The following TENM3 variants were observed in gnomAD, a reference collection of about 807,000 sequenced individuals.
TENM3 encodes the protein teneurin transmembrane protein 3.
Under a neutral mutation model 255.1 loss-of-function variants are expected in TENM3, and 63 were observed. The observed-to-expected ratio is 0.25, with a 90% CI of 0.20 to 0.30. The LOEUF (loss-of-function observed/expected upper bound fraction) is 0.30. Ranked by LOEUF, TENM3 falls within the 10% of genes least tolerant of loss-of-function variation. The probability of loss-of-function intolerance (pLI) is 1.00; values close to 1 mark genes in which losing one functional copy is unlikely to be tolerated. For synonymous variants in TENM3, 1,306 were observed against 1,322.3 expected, an observed-to-expected ratio of 0.99 and a Z score of 0.27; for missense variants, 2,929 against 3,461.1, an observed-to-expected ratio of 0.85 and a Z score of 3.86.
At chr4:181,751,303 G>A in the TENM3 span, among the ~76,000 whole-genome samples, 1 of 149,850 alleles carries the variant, frequency 6.7e-6, no homozygotes, top group Non-Finnish European at 1.5e-5. Flanking sequence ...TTTAACTCAA[G>A]AATTAATTTG....
chr4:181,534,470 C>CG, the TENM3 span, among the ~76,000 whole-genome samples: 12 of 102,962 alleles, frequency 1.2e-4, no homozygotes, highest in African/African-American at 1.8e-4. Context: ...AGGTCTTCCC[C>CG]CCCCCCACAG....
the TENM3 span, among the ~76,000 whole-genome samples, chr4:182,104,235 T>A: frequency 2.0e-5 from 3 of 152,142 alleles, no homozygotes; most frequent in Non-Finnish European, 4.4e-5. Context: ...CTGGCCTGAA[T>A]CAAAATTCTC....
intron 12 of TENM3, among the ~76,000 whole-genome samples, chr4:182,699,532 T>C (rs1158913199): frequency 6.6e-6 from 1 of 152,156 alleles, no homozygotes; most frequent in Non-Finnish European, 1.5e-5. Flanking sequence ...TCAAGGAAAT[T>C]TTTGAATCCA....
Position 182,800,069 on chromosome 4 carries a change from C to A in TENM3, c.7818C>A (p.His2606Gln), listed in dbSNP as rs368298232. The change falls in exon 28 of 28, where the codon CAC becomes CAA. Residue 2606 changes from histidine (H) to glutamine (Q), a missense_variant. His to Gln is a conservative substitution (Grantham distance 24). Transcript: ENST00000511685. ...VEMQFGALAL[H>Q]VRYGMTLDEE... Reference sequence around the variant, plus strand: ...TGCAGTTCGGCGCGCTGGCGCTGCACGTGCGCTACGGCATGACCCTGGACG... The same window carrying A: ...TGCAGTTCGGCGCGCTGGCGCTGCAAGTGCGCTACGGCATGACCCTGGACG... 1 of 1,602,020 alleles carries A rather than the reference C, an allele frequency of 6.2e-7. No individual in the cohort carries two copies. The highest frequency in any genetic ancestry group is 8.5e-7 in the Non-Finnish European group (1 of 1,174,884).
At chr4:182,094,853 T>C in the TENM3 span, among the ~76,000 whole-genome samples, 3 of 146,852 alleles carry the variant, frequency 2.0e-5, no homozygotes, top group East Asian at 4.0e-4. Flanking sequence ...GAAATTAAAG[T>C]AAAAATCATT....
rs1177769780 is a variant in TENM3, at chr4:182,799,100, A to G, written c.7345-496A>G. ...ATCTTCAGCTGAAAACTCTGCCAGG[A>G]GAGGGGACAGAGTTGACTTAAATAC... is the stretch of plus-strand genomic sequence containing the variant. On this transcript the variant is annotated intron_variant, in intron 27 of 27. Transcript: ENST00000511685. The surrounding 1 kb of genome is among the most constrained non-coding windows in gnomAD (Gnocchi z 4.2). Among the ~76,000 whole-genome samples the G allele has an allele frequency of 1.3e-5, 2 of 152,204 alleles. No homozygotes were observed. The highest frequency in any genetic ancestry group is 4.8e-5 in the African/African-American group (2 of 41,454).
intron 24 of TENM3, among the ~76,000 whole-genome samples, chr4:182,780,970 G>A (rs1269608755): frequency 6.6e-6 from 1 of 151,304 alleles, no homozygotes; most frequent in South Asian, 2.1e-4. Flanking sequence ...AGACAATGGG[G>A]TTTTCTAGAT....
At chr4:181,811,370 G>T in the TENM3 span, among the ~76,000 whole-genome samples, 3 of 152,178 alleles carry the variant, frequency 2.0e-5, no homozygotes, top group Non-Finnish European at 4.4e-5. Context: ...ATGGCCCACA[G>T]AAGTGGTAAT....
chr4:181,841,657 T>C, the TENM3 span, among the ~76,000 whole-genome samples: 1 of 152,192 alleles, frequency 6.6e-6, no homozygotes, highest in Admixed American at 6.5e-5. Context: ...ATTACTCTGT[T>C]TGAAATGGAG....
At chr4:182,441,463 C>T (rs1580551235) in intron 3 of TENM3, among the ~76,000 whole-genome samples, 1 of 152,166 alleles carries the variant, frequency 6.6e-6, no homozygotes, top group East Asian at 1.9e-4. Context: ...TCCATTCATC[C>T]ATCCATCCAC....
chr4:182,522,661 T>G (rs1738704498), intron 3 of TENM3, among the ~76,000 whole-genome samples: 1 of 152,228 alleles, frequency 6.6e-6, no homozygotes, highest in Non-Finnish European at 1.5e-5. Flanking sequence ...GTTACGTAGG[T>G]AGACATCTGC....
At chr4:182,703,125 A>G (rs1758019772) in intron 12 of TENM3, among the ~76,000 whole-genome samples, 1 of 152,210 alleles carries the variant, frequency 6.6e-6, no homozygotes, top group South Asian at 2.1e-4. Context: ...AGTGGAATAG[A>G]TGAAAATTAA....
chr4:182,472,088 G>A (rs1373836036), intron 3 of TENM3, among the ~76,000 whole-genome samples: 6 of 152,086 alleles, frequency 3.9e-5, no homozygotes, highest in Non-Finnish European at 8.8e-5. Flanking sequence ...TAGAGCAGAG[G>A]CTATAAATTA....
chr4:182,006,943 G>C, the TENM3 span, among the ~76,000 whole-genome samples: 1 of 152,074 alleles, frequency 6.6e-6, no homozygotes, highest in Non-Finnish European at 1.5e-5. Context: ...GTTCTCATTG[G>C]TTTCAAAGAA....
the TENM3 span, among the ~76,000 whole-genome samples, chr4:181,938,263 A>C: frequency 1.3e-5 from 2 of 152,198 alleles, no homozygotes; most frequent in Non-Finnish European, 2.9e-5. Context: ...AGTTAAAGTC[A>C]TTTGGGGCAC....
Position 182,634,982 on chromosome 4 carries a change from A to T in TENM3, c.988+6093A>T, listed in dbSNP as rs1172238518. 3.9e-5 allele frequency among the ~76,000 whole-genome samples: 6 copies of T among 152,188 alleles called. No individual in the cohort carries two copies. The East Asian group carries it at 1.2e-3, about 29-fold the overall frequency. ...ATGCAAATCATAATAAATGCTTGGG[A>T]TGACGCCAATTAAACTGCAAATAAG... is the stretch of plus-strand genomic sequence containing the variant. On this transcript the variant is annotated intron_variant, in intron 5 of 27. Transcript: ENST00000511685.
the TENM3 span, among the ~76,000 whole-genome samples, chr4:181,694,479 T>C: frequency 6.6e-6 from 1 of 152,306 alleles, no homozygotes; most frequent in Non-Finnish European, 1.5e-5. Flanking sequence ...TAACCAATGA[T>C]CCATTTCCAG....
intron 1 of TENM3, among the ~76,000 whole-genome samples, chr4:182,213,878 T>G (rs1755230199): frequency 6.6e-6 from 1 of 152,284 alleles, no homozygotes; most frequent in Non-Finnish European, 1.5e-5. Flanking sequence ...CTCGGCTCAC[T>G]GCAAGCTCTG....
intron 22 of TENM3, among the ~76,000 whole-genome samples, chr4:182,764,110 GAAA>G (rs947936871): frequency 1.1e-3 from 162 of 152,302 alleles, no homozygotes; most frequent in African/African-American, 3.8e-3. Context: ...CCACCTAAAA[GAAA>G]ATGAAAGTCT....
Sources: gnomAD v4.1 joint callset for allele counts (sites outside exome capture counted in the v4.1 genomes callset) on GRCh38, gnomAD v4.1.1 for gene constraint, Gnocchi (gnomAD v3.1) non-coding constraint, MANE v1.5 for transcripts, NCBI Gene and HGNC (gene_info 2026-07-23, HGNC 2026-07-21) for gene names.